FHIT: variants seen among roughly 807,000 people sequenced by gnomAD.
The protein encoded by FHIT is bis(5'-adenosyl)-triphosphatase.
Under a neutral mutation model 17.9 loss-of-function variants are expected in FHIT, and 19 were observed. The observed-to-expected ratio is 1.06, with a 90% CI of 0.74 to 1.56. The LOEUF (loss-of-function observed/expected upper bound fraction) is 1.56. FHIT is among the 40% of genes most tolerant of loss of function. The pLI is 0.00. For missense variants in FHIT, 248 were observed against 189.2 expected, an observed-to-expected ratio of 1.31 and a Z score of -1.82; for synonymous variants, 81 against 69.7, an observed-to-expected ratio of 1.16 and a Z score of -0.81.
chr3:60,042,760 A>G (rs140083395), intron 5 of FHIT, among the ~76,000 whole-genome samples: 6 of 152,252 alleles, frequency 3.9e-5, no homozygotes, highest in African/African-American at 1.4e-4. Flanking sequence ...TTCAACCCAT[A>G]ACAGAGATGA....
intron 5 of FHIT, among the ~76,000 whole-genome samples, chr3:60,499,373 C>T (rs375803134): frequency 6.6e-6 from 1 of 152,134 alleles, no homozygotes; most frequent in Non-Finnish European, 1.5e-5. Context: ...TTCCCACTTC[C>T]TCACCATGCT....
intron 4 of FHIT, among the ~76,000 whole-genome samples, chr3:60,810,266 C>A (rs539298678): frequency 1.3e-5 from 2 of 152,174 alleles, no homozygotes; most frequent in South Asian, 4.2e-4. Flanking sequence ...GAATTATAAA[C>A]AAAACAAGAA....
chr3:61,106,878 C>T (rs1218006460), intron 2 of FHIT, among the ~76,000 whole-genome samples: 1 of 152,090 alleles, frequency 6.6e-6, no homozygotes, highest in African/African-American at 2.4e-5. Flanking sequence ...ACAGGCTGGT[C>T]TCAAACTCCT....
chr3:60,054,689 A>T (rs996422524), intron 5 of FHIT, among the ~76,000 whole-genome samples: 2 of 152,182 alleles, frequency 1.3e-5, no homozygotes, highest in Non-Finnish European at 2.9e-5. Context: ...GAGAACTACT[A>T]GATGTTAGGT....
chr3:61,119,605 C>A (rs1054784251), intron 2 of FHIT, among the ~76,000 whole-genome samples: 1 of 152,054 alleles, frequency 6.6e-6, no homozygotes, highest in African/African-American at 2.4e-5. Flanking sequence ...TGTGAAACAC[C>A]CTGTGAGGGT....
At chr3:60,345,137 G>T (rs1012809932) in intron 5 of FHIT, among the ~76,000 whole-genome samples, 1 of 152,124 alleles carries the variant, frequency 6.6e-6, no homozygotes, top group African/African-American at 2.4e-5. Context: ...TACTGGTAAT[G>T]AACAAATTAC....
intron 8 of FHIT, among the ~76,000 whole-genome samples, chr3:59,879,529 T>C (rs1703309735): frequency 1.3e-5 from 2 of 152,140 alleles, no homozygotes; most frequent in Non-Finnish European, 2.9e-5. Context: ...CCATTTTCCA[T>C]AATGGGGTAG....
intron 8 of FHIT, among the ~76,000 whole-genome samples, chr3:59,771,469 T>C (rs535080951): frequency 2.6e-4 from 40 of 152,350 alleles, no homozygotes; most frequent in Non-Finnish European, 4.1e-4. Flanking sequence ...GTCAGGTTCA[T>C]TGAGGGCCTA....
rs547890165 is a variant in FHIT at position 60,742,678 on chromosome 3, G to A, written c.-18+79241C>T. On this transcript the variant is annotated intron_variant, in intron 4 of 9. Transcript: ENST00000492590. ...ACCCATGCGTTTGATTGTATCCTAA[G>A]TTGGTAATGAGTCACCACTTTTGCA... Among the ~76,000 whole-genome samples, 13 of 152,342 alleles carry A rather than the reference G, an allele frequency of 8.5e-5. No individual in the cohort carries two copies. The East Asian group carries it at 1.5e-3, about 18-fold the overall frequency.
chr3:60,465,001 A>G (rs557099121), intron 5 of FHIT, among the ~76,000 whole-genome samples: 1 of 152,126 alleles, frequency 6.6e-6, no homozygotes, highest in Non-Finnish European at 1.5e-5. Flanking sequence ...ACTTTTCTCA[A>G]CGTCCTCTCC....
chr3:59,880,229 A>C (rs1328950193), intron 8 of FHIT, among the ~76,000 whole-genome samples: 1 of 152,016 alleles, frequency 6.6e-6, no homozygotes, highest in African/African-American at 2.4e-5. Flanking sequence ...CTGTTTGTAG[A>C]ATACTCCAAG....
At chr3:60,248,365 G>A (rs189845418) in intron 5 of FHIT, among the ~76,000 whole-genome samples, 32 of 152,236 alleles carry the variant, frequency 2.1e-4, no homozygotes, top group Non-Finnish European at 4.1e-4. Flanking sequence ...TGTGAAATAA[G>A]AAGCATTTAC....
At chr3:60,876,066 T>G (rs1575630413) in intron 3 of FHIT, among the ~76,000 whole-genome samples, 1 of 151,962 alleles carries the variant, frequency 6.6e-6, no homozygotes, top group Non-Finnish European at 1.5e-5. Flanking sequence ...AATTTTTGAC[T>G]TCATAACTTT....
At position 59,748,646 on chromosome 3, in the gene FHIT, G is replaced by A. The variant is rs293602; in HGVS notation, c.*939C>T. Among the ~76,000 whole-genome samples the A allele has an allele frequency of 0.27, 41,220 of 151,846 alleles. 6,528 individuals are homozygous for A. The highest frequency in any genetic ancestry group is 0.44 in the African/African-American group (18,157 of 41,350). ...AGAAGACTATTTGGAGGGTACAAGG[G>A]GAGATGGGACAGGGAGAAGGAAGTG... On this transcript the variant is annotated 3_prime_UTR_variant, in exon 10 of 10. Coordinates refer to ENST00000492590, the MANE Select transcript of FHIT (RefSeq NM_002012.4).
chr3:60,429,995 G>C (rs73096257), intron 5 of FHIT, among the ~76,000 whole-genome samples: 14 of 151,834 alleles, frequency 9.2e-5, no homozygotes, highest in African/African-American at 3.4e-4. Flanking sequence ...GCTTAAGCCC[G>C]TGCCTTAAGA....
chr3:60,507,200 A>T lies in FHIT; in HGVS notation c.103+29660T>A, dbSNP rs2034767492. 1.3e-5 allele frequency among the ~76,000 whole-genome samples: 2 copies of T among 152,228 alleles called. 1 individual carries two copies. The highest frequency in any genetic ancestry group is 4.1e-4 in the South Asian group (2 of 4,830). ...AAGGGATACGTGAGTTGGCATTGGT[A>T]GAATGAACAGGAGTTAGCAAGGTAA... On this transcript the variant is annotated intron_variant, in intron 5 of 9. Transcript: ENST00000492590.
intron 5 of FHIT, among the ~76,000 whole-genome samples, chr3:60,225,504 G>T (rs1704155984): frequency 1.3e-5 from 2 of 152,168 alleles, no homozygotes; most frequent in Admixed American, 1.3e-4. Flanking sequence ...TATTAGGGAT[G>T]GGAGAGAGTT....
intron 5 of FHIT, among the ~76,000 whole-genome samples, chr3:60,150,109 C>T (rs1290820829): frequency 6.8e-6 from 1 of 148,070 alleles, no homozygotes; most frequent in South Asian, 2.1e-4. Context: ...GATTCTCCTG[C>T]CTCAGCCTTC....
At chr3:60,847,607 T>C (rs1209645519) in intron 3 of FHIT, among the ~76,000 whole-genome samples, 2 of 152,162 alleles carry the variant, frequency 1.3e-5, no homozygotes, top group African/African-American at 2.4e-5. Context: ...CATTCTTATC[T>C]TGGAAAATAC....
Sources: allele counts gnomAD v4.1 joint callset (sites outside exome capture counted in the v4.1 genomes callset), GRCh38; gene constraint gnomAD v4.1.1; transcripts MANE v1.5; gene names NCBI Gene and HGNC (gene_info 2026-07-23, HGNC 2026-07-21).